PBXIP1: variants seen among roughly 807,000 people sequenced by gnomAD.
PBXIP1 encodes pre-B-cell leukemia transcription factor-interacting protein 1.
In PBXIP1, 73 loss-of-function variants were observed where a neutral mutation model predicts 73.7. The ratio of observed to expected loss-of-function variants is 0.99; its 90% CI spans 0.82 to 1.20. The LOEUF (loss-of-function observed/expected upper bound fraction) is 1.20, where lower values mean the gene tolerates loss of function less well. Among genes scored for constraint, PBXIP1 ranks in the 50% most tolerant of loss-of-function variants. The probability of loss-of-function intolerance (pLI) is 0.00; values close to 1 mark genes in which losing one functional copy is unlikely to be tolerated. For missense variants in PBXIP1, 818 were observed against 911.4 expected, an observed-to-expected ratio of 0.90 and a Z score of 1.32; for synonymous variants, 330 against 366.9, an observed-to-expected ratio of 0.90 and a Z score of 1.15.
At position 154,946,124 on chromosome 1, in the gene PBXIP1, C is replaced by T. The variant is rs762940530; in HGVS notation, c.1550G>A (p.Trp517Ter). Residue 517 changes from tryptophan to a stop codon, truncating the protein, a stop_gained, in exon 10 of 11, where the codon TGG becomes TAG. Transcript: ENST00000368463. LOFTEE classifies it high-confidence loss of function. ...CTCCACCCTTGGCCTGCCCTCCTTCCACCTTCCTGCTGGCTCCCTGTCCTC... is the reference window on the plus strand; with the variant it reads ...CTCCACCCTTGGCCTGCCCTCCTTCTACCTTCCTGCTGGCTCCCTGTCCTC... ...GQEDREPAGR[W>*]KEGRPRVEES... The T allele has an allele frequency of 6.8e-6, 11 of 1,614,034 alleles. No homozygotes were observed. In the African/African-American group the frequency reaches 1.3e-4, roughly 20 times the overall value.
chr1:154,954,660 G>A (rs541033813), intron 1 of PBXIP1, among the ~76,000 whole-genome samples: 2 of 152,326 alleles, frequency 1.3e-5, no homozygotes, highest in Admixed American at 6.5e-5. Context: ...TCCTGCACCC[G>A]GTTAATCTGC....
At position 154,951,259 on chromosome 1, in the gene PBXIP1, G is replaced by C; in HGVS notation, c.382C>G (p.Gln128Glu). ...TQDLEGQSPP[Q>E]SLPSTPKAAW... ...GCTTTGGGGGTTGAAGGCAGGCTCTGTGGAGGGCTCTGGCCTTCCAGGTCC... is the reference window on the plus strand; with the variant it reads ...GCTTTGGGGGTTGAAGGCAGGCTCTCTGGAGGGCTCTGGCCTTCCAGGTCC... Residue 128 changes from glutamine (Q) to glutamate (E), a missense_variant, in exon 5 of 11, where the codon CAG (glutamine) becomes GAG (glutamate). Coordinates refer to ENST00000368463, the MANE Select transcript of PBXIP1 (RefSeq NM_020524.4). The surrounding 1 kb of genome is among the most constrained non-coding windows in gnomAD (Gnocchi z 4.3). The C allele has an allele frequency of 6.2e-7, 1 of 1,614,184 alleles. No homozygotes were observed. Among genetic ancestry groups the C allele is most frequent in the Non-Finnish European group, 8.5e-7 (1 of 1,180,014 alleles).
rs1308579520 is a variant in PBXIP1 at position 154,945,501 on chromosome 1, A to C, written c.2102+71T>G. 56 of 1,474,982 alleles carry C rather than the reference A, an allele frequency of 3.8e-5. No homozygotes were observed. The East Asian group carries it at 1.2e-3, about 32-fold the overall frequency. The allele number at this position is 1,474,982 out of a possible 1,614,324, so 91.4% of individuals were successfully genotyped here. A position where few individuals can be genotyped will look rare whatever the true frequency, so the allele number is the denominator to read the frequency against. On this transcript the variant is annotated intron_variant, in intron 10 of 10. Coordinates refer to ENST00000368463, the MANE Select transcript of PBXIP1 (RefSeq NM_020524.4). ...ACCAAAAGTAAGGATACTCAAACTA[A>C]TGATCCTTGCTCTTCACATCCTCCC...
chr1:154,955,288 G>C (rs1655143223), intron 1 of PBXIP1, among the ~76,000 whole-genome samples: 1 of 152,134 alleles, frequency 6.6e-6, no homozygotes, highest in East Asian at 1.9e-4. Context: ...GGTGGTGGCA[G>C]GAAGGAAGTG....
In PBXIP1 at chr1:154,945,710, C is replaced by T. The variant is rs139243559; in HGVS notation, c.1964G>A (p.Arg655His). Residue 655 changes from arginine (R) to histidine (H), a missense_variant, in exon 10 of 11, where the codon CGC becomes CAC. Coordinates refer to ENST00000368463, the MANE Select transcript of PBXIP1 (RefSeq NM_020524.4). ...CAGGGCATCCACAAAATCCCGGAAG[C>T]GGAGGCGGTCATGACGGAAGATGCC... is the stretch of plus-strand genomic sequence containing the variant. ...EDGIFRHDRLRFRDFVDALED... is the reference protein window; with the variant it reads ...EDGIFRHDRLHFRDFVDALED... The T allele has an allele frequency of 4.8e-5, 78 of 1,614,094 alleles. No individual in the cohort carries two copies. Among genetic ancestry groups the T allele is most frequent in the Non-Finnish European group, 6.1e-5 (72 of 1,180,040 alleles).
intron 10 of PBXIP1, 137 bp downstream of exon 10, chr1:154,945,435 A>C: frequency 1.1e-6 from 1 of 920,894 alleles, no homozygotes; most frequent in South Asian, 1.6e-5. Context: ...GGAAGAAAGG[A>C]AGCGGACCTG....
chr1:154,954,679 G>C (rs948338001), intron 1 of PBXIP1, among the ~76,000 whole-genome samples: 3 of 152,234 alleles, frequency 2.0e-5, no homozygotes, highest in African/African-American at 7.2e-5. Context: ...GCTCTGACTT[G>C]ACAGGGATAG....
At position 154,944,315 on chromosome 1, in the gene PBXIP1, G is replaced by A. The variant is rs1654725104; in HGVS notation, c.*709C>T. On this transcript the variant is annotated 3_prime_UTR_variant, in exon 11 of 11. Transcript: ENST00000368463. Reference sequence around the variant, plus strand: ...GCTTCTCAAGGGCCTAGGGTTTGTTGGAAGGGCAAGGCAAGGGCAAAGGGG... The same window carrying A: ...GCTTCTCAAGGGCCTAGGGTTTGTTAGAAGGGCAAGGCAAGGGCAAAGGGG... The A allele has an allele frequency of 6.6e-6, 1 of 152,388 alleles. No individual in the cohort carries two copies. The highest frequency in any genetic ancestry group is 6.5e-5 in the Admixed American group (1 of 15,278). The allele number at this position is 152,388 out of a possible 1,614,324, so 9.4% of individuals were successfully genotyped here.
intron 5 of PBXIP1, among the ~76,000 whole-genome samples, chr1:154,950,829 T>G (rs549898164): frequency 2.6e-5 from 4 of 152,348 alleles, no homozygotes; most frequent in African/African-American, 9.6e-5. Context: ...TTAATTACAG[T>G]TCTGTACCAC....
rs1654751637 is a variant in PBXIP1 at position 154,945,023 on chromosome 1, G to A, written c.*1C>T. The A allele has an allele frequency of 1.2e-6, 2 of 1,612,272 alleles. No homozygotes were observed. Among genetic ancestry groups the A allele is most frequent in the Non-Finnish European group, 1.7e-6 (2 of 1,178,344 alleles). ...AAGGCCATTCCCTGTGGGGCAGGGT[G>A]TCAGCCCCGGTGGTGGTGGTGGTGG... On this transcript the variant is annotated 3_prime_UTR_variant, in exon 11 of 11. Coordinates refer to ENST00000368463, the MANE Select transcript of PBXIP1 (RefSeq NM_020524.4).
intron 9 of PBXIP1, 78 bp from the exon 10 acceptor site, chr1:154,946,881 A>C: frequency 7.2e-7 from 1 of 1,393,942 alleles, no homozygotes; most frequent in Middle Eastern, 2.7e-4. Context: ...CCCCAATTCC[A>C]TTCTATTATA....
rs777279106 is a variant in PBXIP1 at position 154,946,750 on chromosome 1, C to T, written c.924G>A (p.Glu308=). ...GAGCCCCCCGGAGCTGGGCATTCTCCTCCTCTAGCCCTTTGGGCTGGTGCA... is the reference window on the plus strand; with the variant it reads ...GAGCCCCCCGGAGCTGGGCATTCTCTTCCTCTAGCCCTTTGGGCTGGTGCA... The part of the protein sequence containing the change: ...SLMHQPKGLE[E]ENAQLRGALQ... The change falls in exon 10 of 11, where the codon GAG becomes GAA. Residue 308 remains glutamate (E), a synonymous_variant. Transcript: ENST00000368463. 5.0e-6 allele frequency: 8 copies of T among 1,591,752 alleles called. No homozygotes were observed. Among genetic ancestry groups the T allele is most frequent in the Non-Finnish European group, 6.0e-6 (7 of 1,166,720 alleles).
At chr1:154,952,985 T>G (rs1470414065) in intron 2 of PBXIP1, among the ~76,000 whole-genome samples, 1 of 152,198 alleles carries the variant, frequency 6.6e-6, no homozygotes, top group East Asian at 1.9e-4. Flanking sequence ...GTCTTGGAAC[T>G]CTCAGAGATG....
intron 6 of PBXIP1, 61 bp from the exon 7 acceptor site, chr1:154,948,066 T>C (rs1571397533): frequency 6.3e-7 from 1 of 1,589,078 alleles, no homozygotes; most frequent in East Asian, 2.2e-5. Flanking sequence ...TGAGGTAAGG[T>C]GAGAACATGG....
chr1:154,955,237 C>G (rs1655140902), intron 1 of PBXIP1, among the ~76,000 whole-genome samples: 1 of 152,016 alleles, frequency 6.6e-6, no homozygotes, highest in Non-Finnish European at 1.5e-5. Flanking sequence ...CACCCCCGCC[C>G]TTGTTATCAT....
Position 154,951,655 on chromosome 1 carries a change from A to C in PBXIP1, c.179-120T>G. 7.1e-7 allele frequency: 1 copy of C among 1,405,952 alleles called. No individual in the cohort carries two copies. Among genetic ancestry groups the C allele is most frequent in the Non-Finnish European group, 1.0e-6 (1 of 998,090 alleles). The allele number at this position is 1,405,952 out of a possible 1,614,324, so 87.1% of individuals were successfully genotyped here. On this transcript the variant is annotated intron_variant, in intron 3 of 10. Coordinates refer to ENST00000368463, the MANE Select transcript of PBXIP1 (RefSeq NM_020524.4). The surrounding 1 kb of genome is among the most constrained non-coding windows in gnomAD (Gnocchi z 4.3). ...AGAGGCAGGAAAAAGCCAGGATGGA[A>C]TGAGAAAAGGAGTTTGTCAACTGAG...
rs776194063 is a variant in PBXIP1, at chr1:154,946,467, G to C, written c.1207C>G (p.Arg403Gly). Residue 403 changes from arginine (R) to glycine (G), a missense_variant, in exon 10 of 11, where the codon CGG becomes GGG. Physicochemically the swap from Arg to Gly is moderately radical, Grantham distance 125. Transcript: ENST00000368463. Reference sequence around the variant, plus strand: ...TCCTGCTGTACAGACCCCAGCAGCCGTCGCTGCCTCTCTAACTCTTGCCTT... The same window carrying C: ...TCCTGCTGTACAGACCCCAGCAGCCCTCGCTGCCTCTCTAACTCTTGCCTT... The part of the protein sequence containing the change: ...ALRQELERQR[R>G]LLGSVQQDLE... 5 of 1,608,168 alleles carry C rather than the reference G, an allele frequency of 3.1e-6. No individual in the cohort carries two copies. The highest frequency in any genetic ancestry group is 4.2e-6 in the Non-Finnish European group (5 of 1,179,964).
intron 2 of PBXIP1, among the ~76,000 whole-genome samples, chr1:154,952,307 G>A (rs1475334119): frequency 1.3e-5 from 2 of 152,210 alleles, no homozygotes; most frequent in African/African-American, 4.8e-5. Context: ...ACGGGTCACA[G>A]TTATGCCTCC....
Position 154,947,984 on chromosome 1 carries a change from G to A in PBXIP1, c.665C>T (p.Thr222Ile), listed in dbSNP as rs1435531811. Residue 222 changes from threonine to isoleucine, a missense_variant and splice_region_variant, in exon 7 of 11, where the codon ACT becomes ATT. Transcript: ENST00000368463. ...LFSGGLSESE[T>I]GPMEEVERQV... ...AAGACAGGCTCCTCCCTACTCACCA[G>A]TCTCAGACTCTGAGAGGCCACCTAA... is the stretch of plus-strand genomic sequence containing the variant. 6.2e-7 allele frequency: 1 copy of A among 1,613,684 alleles called. No individual in the cohort carries two copies.
Sources: gnomAD v4.1 joint callset for allele counts (sites outside exome capture counted in the v4.1 genomes callset) on GRCh38, gnomAD v4.1.1 for gene constraint, Gnocchi (gnomAD v3.1) non-coding constraint, MANE v1.5 for transcripts, NCBI Gene and HGNC (gene_info 2026-07-23, HGNC 2026-07-21) for gene names.